GCC2: variants seen among roughly 807,000 people sequenced by gnomAD.
GCC2 encodes the protein GRIP and coiled-coil domain containing 2, also known as GRIP and coiled-coil domain-containing protein 2.
A neutral mutation model predicts 210.6 loss-of-function variants in GCC2; 120 were observed. The ratio of observed to expected loss-of-function variants is 0.57; its 90% CI spans 0.49 to 0.66. GCC2 has a LOEUF of 0.66. Ranked by LOEUF, GCC2 falls within the 30% of genes least tolerant of loss-of-function variation. GCC2 has a pLI of 0.00. For synonymous variants in GCC2, 703 were observed against 652.7 expected (o/e 1.08, Z -1.17); for missense variants, 1,868 against 1,871.9 (o/e 1.00, Z 0.04).
chr2:108,486,052 T>C (rs1259660661), intron 15 of GCC2, 144 bp downstream of exon 15: 1 of 567,340 alleles, frequency 1.8e-6, no homozygotes, highest in Non-Finnish European at 3.1e-6. Context: ...AAATCAAGTC[T>C]GGCATATAAC....
At chr2:108,495,192 C>G (rs949572631) in intron 19 of GCC2, 99 bp from the exon 20 acceptor site, 2 of 645,482 alleles carry the variant, frequency 3.1e-6, no homozygotes, top group African/African-American at 1.8e-5. Flanking sequence ...TTCCTCTACT[C>G]TTATCATTTG....
At chr2:108,463,941 T>G (rs1022326095) in intron 4 of GCC2, among the ~76,000 whole-genome samples, 1 of 152,126 alleles carries the variant, frequency 6.6e-6, no homozygotes, top group Non-Finnish European at 1.5e-5. Flanking sequence ...GGCCCCAGGT[T>G]GAGTGCGCAG....
intron 4 of GCC2, among the ~76,000 whole-genome samples, chr2:108,455,168 G>A (rs534849123): frequency 2.2e-4 from 34 of 152,188 alleles, no homozygotes; most frequent in Non-Finnish European, 4.3e-4. Context: ...AGCCAGGCTC[G>A]GTGGCTCACA....
chr2:108,476,050 CTTGCTTTTTT>C (rs141633258), intron 9 of GCC2, among the ~76,000 whole-genome samples, 200 bp downstream of exon 9: 2 of 119,934 alleles, frequency 1.7e-5, no homozygotes, highest in Admixed American at 9.3e-5. Context: ...TAAATAGTGG[CTTGCTTTTTT>C]TTTTTTTTTT....
chr2:108,491,045 T>C (rs1286365683), intron 18 of GCC2, among the ~76,000 whole-genome samples: 1 of 152,204 alleles, frequency 6.6e-6, no homozygotes, highest in Non-Finnish European at 1.5e-5. Flanking sequence ...GAAATAGCCT[T>C]CTCTTTATGT....
chr2:108,493,167 G>A (rs933004324), intron 19 of GCC2: 18 of 265,750 alleles, frequency 6.8e-5, no homozygotes, highest in African/African-American at 3.3e-4. Flanking sequence ...TCGGCTCACT[G>A]CAAGCTCCAC....
chr2:108,493,012 C>T (rs922903372), intron 19 of GCC2, among the ~76,000 whole-genome samples: 1 of 152,212 alleles, frequency 6.6e-6, no homozygotes, highest in Non-Finnish European at 1.5e-5. Flanking sequence ...TCTGAGAATG[C>T]TGACTTTGAT....
chr2:108,497,387 A>G (rs559955767), intron 21 of GCC2, among the ~76,000 whole-genome samples: 2 of 152,344 alleles, frequency 1.3e-5, no homozygotes, highest in East Asian at 1.9e-4. Context: ...AAGTGCTGGT[A>G]TTACAGGCAT....
intron 2 of GCC2, 103 bp downstream of exon 2, chr2:108,449,792 A>G (rs1481589826): frequency 1.2e-6 from 1 of 804,400 alleles, no homozygotes; most frequent in East Asian, 2.5e-5. Flanking sequence ...TTTTTTTTTT[A>G]ATAGCCTTGC....
chr2:108,471,881 A>T lies in GCC2; in HGVS notation c.2552A>T (p.Gln851Leu). 1 of 1,608,932 alleles carries T rather than the reference A, an allele frequency of 6.2e-7. No homozygotes were observed. The change falls in exon 6 of 23, where the codon CAG becomes CTG. Residue 851 changes from glutamine (Q) to leucine (L), a missense_variant. Coordinates refer to ENST00000309863, the MANE Select transcript of GCC2 (RefSeq NM_181453.4). ...TTAAGGAAAGAGTTAGAAGAAATAC[A>T]GTCAGAAAAAGAGGCCCTGCAGTCT... ...VLLRKELEEI[Q>L]SEKEALQSDL...
intron 19 of GCC2, 97 bp from the exon 20 acceptor site, chr2:108,495,194 T>A: frequency 1.5e-6 from 1 of 650,468 alleles, no homozygotes; most frequent in South Asian, 2.0e-5. Context: ...CCTCTACTCT[T>A]ATCATTTGAT....
intron 22 of GCC2, among the ~76,000 whole-genome samples, chr2:108,500,731 A>G (rs565178812): frequency 2.6e-5 from 4 of 152,374 alleles, no homozygotes; most frequent in Admixed American, 6.5e-5. Context: ...CAAGGAAGAC[A>G]CTATAATCTC....
At chr2:108,496,215 C>T (rs1375270999) in intron 20 of GCC2, 1 of 151,510 alleles carries the variant, frequency 6.6e-6, no homozygotes, top group Admixed American at 6.6e-5. Context: ...AAGAAACTGA[C>T]AGTTTCAGTT....
In GCC2 at chr2:108,449,685, C is replaced by G. The variant is rs2460946; in HGVS notation, c.59C>G (p.Ser20Cys). Residue 20 changes from serine (S) to cysteine (C), a missense_variant, in exon 2 of 23, where the codon TCT (serine) becomes TGT (cysteine). By Grantham distance (112) the Ser-to-Cys change is moderately radical. Coordinates refer to ENST00000309863, the MANE Select transcript of GCC2 (RefSeq NM_181453.4). ...CCAGCTACCCCTGGGACCGGGAAAT[C>G]TAAGGTGAAGAGAATACTTGAATAG... ...ASPATPGTGK[S>C]KLETLPKEDL... is the part of the protein sequence containing the mutation. 90 of 1,612,582 alleles carry G rather than the reference C, an allele frequency of 5.6e-5. No homozygotes were observed. The South Asian group carries it at 9.2e-4, about 17-fold the overall frequency.
rs1249956512 is a variant in GCC2, at chr2:108,490,278, TA to T, written c.4229+271del. On this transcript the variant is annotated intron_variant, in intron 18 of 22. Coordinates refer to ENST00000309863, the MANE Select transcript of GCC2 (RefSeq NM_181453.4). Reference sequence around the variant, plus strand: ...AGCCTTCTTGGCTAGGATGTTTCTCTAAAAAAACAAACAAAAACATACTACT... The same window carrying T: ...AGCCTTCTTGGCTAGGATGTTTCTCTAAAAAACAAACAAAAACATACTACT... 10 of 301,342 alleles carry T rather than the reference TA, an allele frequency of 3.3e-5. No individual in the cohort carries two copies. In the South Asian group the frequency reaches 1.3e-3, roughly 39 times the overall value. The allele number at this position is 301,342 out of a possible 1,614,324, so 18.7% of individuals were successfully genotyped here.
chr2:108,492,430 C>T (rs990122735), intron 18 of GCC2, 143 bp from the exon 19 acceptor site: 1 of 636,214 alleles, frequency 1.6e-6, no homozygotes, highest in Non-Finnish European at 2.9e-6. Context: ...ACAATGAGTA[C>T]AGTGCAGGTA....
chr2:108,492,947 A>AT, intron 19 of GCC2, among the ~76,000 whole-genome samples, 157 bp downstream of exon 19: 1 of 152,360 alleles, frequency 6.6e-6, no homozygotes, highest in South Asian at 2.1e-4. Context: ...TAGAAAGATA[A>AT]TTGAACCATC....
chr2:108,508,288 A>C lies in GCC2; in HGVS notation c.*658A>C, dbSNP rs1199388347. 2 of 146,450 alleles carry C rather than the reference A, an allele frequency of 1.4e-5. No homozygotes were observed. The highest frequency in any genetic ancestry group is 4.9e-5 in the African/African-American group (2 of 40,480). The allele number at this position is 146,450 out of a possible 1,614,324, so 9.1% of individuals were successfully genotyped here. A position where few individuals can be genotyped will look rare whatever the true frequency, so the allele number is the denominator to read the frequency against. On this transcript the variant is annotated 3_prime_UTR_variant, in exon 23 of 23. Coordinates refer to ENST00000309863, the MANE Select transcript of GCC2 (RefSeq NM_181453.4). ...CTTTGTTGGTAAAAGTGACATGTTAAGGGGCTATGAAGTAAATATGCTGCA... is the reference window on the plus strand; with the variant it reads ...CTTTGTTGGTAAAAGTGACATGTTACGGGGCTATGAAGTAAATATGCTGCA...
In GCC2 at chr2:108,471,318, C is replaced by T; in HGVS notation, c.1989C>T (p.Asp663=). 1.9e-6 allele frequency: 3 copies of T among 1,611,634 alleles called. No individual in the cohort carries two copies. Among genetic ancestry groups the T allele is most frequent in the Non-Finnish European group, 2.5e-6 (3 of 1,179,148 alleles). ...CTTTAAAAGAAAAGGATCAAAATGA[C>T]CAAAAACTAGAAAAACTTATGGTTC... ...EETLKEKDQN[D]QKLEKLMVQM... Residue 663 remains aspartate (D), a synonymous_variant, in exon 6 of 23, where the codon GAC becomes GAT. Transcript: ENST00000309863.
Sources: gnomAD v4.1 joint callset for allele counts (sites outside exome capture counted in the v4.1 genomes callset) on GRCh38, gnomAD v4.1.1 for gene constraint, MANE v1.5 for transcripts, NCBI Gene and HGNC (gene_info 2026-07-23, HGNC 2026-07-21) for gene names.